The following NELL1 variants were observed in gnomAD, a reference collection of about 807,000 sequenced individuals.
The protein encoded by NELL1 is protein kinase C-binding protein NELL1.
NELL1 carries 76 observed loss-of-function variants against 107.4 expected under a neutral mutation model. The observed-to-expected ratio is 0.71, with a 90% CI of 0.59 to 0.86. The LOEUF (loss-of-function observed/expected upper bound fraction) is 0.86, where lower values mean the gene tolerates loss of function less well. Ranked by LOEUF, NELL1 falls within the 40% of genes least tolerant of loss-of-function variation. The pLI is 0.00. For missense variants in NELL1, 1,024 were observed against 1,005.5 expected, an observed-to-expected ratio of 1.02 and a Z score of -0.25; for synonymous variants, 353 against 341.2, an observed-to-expected ratio of 1.03 and a Z score of -0.38.
intron 15 of NELL1, among the ~76,000 whole-genome samples, chr11:21,431,121 C>T (rs1250009173): frequency 6.6e-6 from 1 of 151,984 alleles, no homozygotes; most frequent in African/African-American, 2.4e-5. Flanking sequence ...GTTTGAGATA[C>T]CTGCTTTATT....
intron 15 of NELL1, among the ~76,000 whole-genome samples, chr11:21,445,360 C>G (rs910005755): frequency 3.7e-5 from 5 of 133,450 alleles, no homozygotes; most frequent in Non-Finnish European, 8.9e-5. Context: ...GAATTTCGCT[C>G]TTGCTGCCCA....
At chr11:21,392,063 G>T (rs1307312915) in intron 15 of NELL1, among the ~76,000 whole-genome samples, 1 of 151,718 alleles carries the variant, frequency 6.6e-6, no homozygotes, top group African/African-American at 2.4e-5. Flanking sequence ...GGAAGAATAA[G>T]ACAAAAGATT....
intron 15 of NELL1, among the ~76,000 whole-genome samples, chr11:21,381,849 T>A (rs1851615848): frequency 6.6e-6 from 1 of 151,112 alleles, no homozygotes; most frequent in Non-Finnish European, 1.5e-5. Context: ...AAGACTGAGC[T>A]GATTCAGCAC....
chr11:20,748,590 T>A (rs113371464), intron 2 of NELL1, among the ~76,000 whole-genome samples: 1 of 152,110 alleles, frequency 6.6e-6, no homozygotes, highest in African/African-American at 2.4e-5. Flanking sequence ...CTCCAAAATT[T>A]ATTATAAATT....
chr11:21,229,114 T>C (rs1857974716), intron 13 of NELL1, among the ~76,000 whole-genome samples: 1 of 152,084 alleles, frequency 6.6e-6, no homozygotes, highest in African/African-American at 2.4e-5. Flanking sequence ...CAGGAGTTGT[T>C]TGACTTCTCT....
chr11:21,270,161 G>A (rs1179204060), intron 14 of NELL1, among the ~76,000 whole-genome samples: 1 of 152,064 alleles, frequency 6.6e-6, no homozygotes, highest in African/African-American at 2.4e-5. Flanking sequence ...GACACAGGTA[G>A]TGAAAAGAAA....
At chr11:20,812,471 A>G (rs1857521019) in intron 3 of NELL1, among the ~76,000 whole-genome samples, 1 of 152,250 alleles carries the variant, frequency 6.6e-6, no homozygotes, top group Non-Finnish European at 1.5e-5. Flanking sequence ...TGCTGGCCTC[A>G]TAGAATGAGT....
intron 13 of NELL1, among the ~76,000 whole-genome samples, chr11:21,130,329 C>T (rs10766767): frequency 0.72 from 109,345 of 151,994 alleles, 39,602 homozygotes; most frequent in African/African-American, 0.78. Context: ...GAGATGAGGA[C>T]GATAGAAGTC....
intron 2 of NELL1, among the ~76,000 whole-genome samples, chr11:20,700,751 A>G (rs549512036): frequency 1.7e-4 from 26 of 151,968 alleles, no homozygotes; most frequent in African/African-American, 6.0e-4. Context: ...GAGTAAGAAC[A>G]TGCGGTGTTT....
At chr11:21,478,439 A>C (rs2133895915) in intron 15 of NELL1, among the ~76,000 whole-genome samples, 1 of 152,172 alleles carries the variant, frequency 6.6e-6, no homozygotes, top group Non-Finnish European at 1.5e-5. Context: ...TCCAGCATTA[A>C]CTCAATAGTT....
At chr11:20,677,848 C>G (rs1793003) in intron 1 of NELL1, 84 bp from the exon 2 acceptor site, 1,079,670 of 1,522,074 alleles carry the variant, frequency 0.71, 388,741 homozygotes, top group Middle Eastern at 0.78. Context: ...TCCTTGTATT[C>G]CCTGCCACTC....
chr11:20,710,507 C>CT, intron 2 of NELL1, among the ~76,000 whole-genome samples: 1 of 151,970 alleles, frequency 6.6e-6, no homozygotes, highest in Admixed American at 6.6e-5. Context: ...CTGTAGTTTT[C>CT]TTTTTTGTTA....
chr11:20,921,487 A>G (rs1850375061), intron 7 of NELL1, among the ~76,000 whole-genome samples: 1 of 152,130 alleles, frequency 6.6e-6, no homozygotes, highest in African/African-American at 2.4e-5. Flanking sequence ...AGATCCTGAA[A>G]GTTGAATCAT....
At chr11:21,494,822 TG>T (rs1297084409) in intron 15 of NELL1, among the ~76,000 whole-genome samples, 3 of 152,182 alleles carry the variant, frequency 2.0e-5, no homozygotes, top group African/African-American at 7.2e-5. Flanking sequence ...TTGTTTTCAT[TG>T]AAAAAAACAA....
intron 15 of NELL1, among the ~76,000 whole-genome samples, chr11:21,390,684 G>T (rs1851855037): frequency 6.6e-6 from 1 of 151,766 alleles, no homozygotes; most frequent in African/African-American, 2.4e-5. Context: ...ACAAATGTTT[G>T]CTTTCTCTGG....
intron 15 of NELL1, among the ~76,000 whole-genome samples, chr11:21,414,159 G>A (rs1852444404): frequency 6.6e-6 from 1 of 152,026 alleles, no homozygotes; most frequent in Non-Finnish European, 1.5e-5. Context: ...AGATGTAGTA[G>A]AGGTTCTCTG....
intron 2 of NELL1, among the ~76,000 whole-genome samples, chr11:20,698,803 TTCCCCACAAG>T (rs1182938722): frequency 6.6e-6 from 1 of 152,194 alleles, no homozygotes; most frequent in African/African-American, 2.4e-5. Flanking sequence ...ATTCCTACCC[TTCCCCACAAG>T]TCCCCGAAGT....
At chr11:20,778,472 C>T (rs1237447783) in intron 2 of NELL1, among the ~76,000 whole-genome samples, 1 of 139,584 alleles carries the variant, frequency 7.2e-6, no homozygotes, top group Non-Finnish European at 1.5e-5. Flanking sequence ...TTCTTTCCTT[C>T]TCCAATCTCC....
chr11:21,421,819 C>T (rs544485828), intron 15 of NELL1, among the ~76,000 whole-genome samples: 2 of 152,026 alleles, frequency 1.3e-5, no homozygotes, highest in African/African-American at 2.4e-5. Context: ...AGTAAGATGA[C>T]CTGACATACC....
Sources: allele counts gnomAD v4.1 joint callset (sites outside exome capture counted in the v4.1 genomes callset), GRCh38; gene constraint gnomAD v4.1.1; transcripts MANE v1.5; gene names NCBI Gene and HGNC (gene_info 2026-07-23, HGNC 2026-07-21).